Variants in COL22A1 observed in about 807,000 individuals in gnomAD.
COL22A1 encodes the protein collagen type XXII alpha 1 chain.
Under a neutral mutation model 248.9 loss-of-function variants are expected in COL22A1, and 221 were observed. That is an observed-to-expected ratio of 0.89 (90% CI 0.80 to 0.99). The LOEUF (loss-of-function observed/expected upper bound fraction) is 0.99, where lower values mean the gene tolerates loss of function less well. COL22A1 is among the 50% of genes least tolerant of loss of function. The pLI is 0.00. For synonymous variants in COL22A1, 891 were observed against 793.4 expected (o/e 1.12, Z -2.07); for missense variants, 2,240 against 2,179.0 (o/e 1.03, Z -0.56).
intron 17 of COL22A1, among the ~76,000 whole-genome samples, chr8:138,760,839 G>C (rs1040837613): frequency 5.9e-5 from 9 of 152,222 alleles, no homozygotes; most frequent in African/African-American, 1.9e-4. Context: ...TTCCACCAGC[G>C]GCCAAGAGAA....
intron 39 of COL22A1, among the ~76,000 whole-genome samples, chr8:138,682,228 T>C (rs1162940238): frequency 1.3e-5 from 2 of 151,598 alleles, no homozygotes; most frequent in Non-Finnish European, 2.9e-5. Flanking sequence ...GCAGCATGCA[T>C]GCATTCCAGA....
intron 27 of COL22A1, among the ~76,000 whole-genome samples, chr8:138,718,109 T>G (rs1465363499): frequency 6.7e-6 from 1 of 148,764 alleles, no homozygotes; most frequent in East Asian, 1.9e-4. Flanking sequence ...ACCAACTTAT[T>G]GGAGAGAAAG....
intron 44 of COL22A1, 146 bp from the exon 45 acceptor site, chr8:138,656,090 G>A: frequency 1.5e-6 from 1 of 666,758 alleles, no homozygotes; most frequent in African/African-American, 1.8e-5. Flanking sequence ...CCCAGTGGAT[G>A]TCCCAAGCCT....
chr8:138,773,994 C>G (rs533675768), intron 16 of COL22A1, among the ~76,000 whole-genome samples: 81 of 152,316 alleles, frequency 5.3e-4, no homozygotes, highest in African/African-American at 1.9e-3. Flanking sequence ...TGCACAGCAA[C>G]TCACGCTCCT....
chr8:138,742,830 T>C (rs1234876829), intron 22 of COL22A1, among the ~76,000 whole-genome samples: 1 of 147,530 alleles, frequency 6.8e-6, no homozygotes, highest in African/African-American at 2.6e-5. Context: ...TTGATGATGA[T>C]GGTAGTAGTG....
chr8:138,694,363 C>A, intron 34 of COL22A1, 145 bp downstream of exon 34: 1 of 844,788 alleles, frequency 1.2e-6, no homozygotes, highest in Non-Finnish European at 2.0e-6. Context: ...GGCCACTCAG[C>A]CTCTGCAGCA....
At chr8:138,744,393 G>A (rs1831939779) in intron 22 of COL22A1, among the ~76,000 whole-genome samples, 1 of 151,850 alleles carries the variant, frequency 6.6e-6, no homozygotes, top group Non-Finnish European at 1.5e-5. Flanking sequence ...AGGTATTGAG[G>A]GTCCTAGATC....
rs139333176 is a variant in COL22A1, at chr8:138,613,656, A to C, written c.3978+211T>G. On this transcript the variant is annotated intron_variant, in intron 56 of 64. Transcript: ENST00000303045. ...GCCCCGTGGCACCTTTGTAATTTTT[A>C]TATTGTTGTGGGGGATGGTCCCAGA... Among the ~76,000 whole-genome samples the C allele has an allele frequency of 3.1e-3, 449 of 142,886 alleles. 2 individuals carry two copies. Among genetic ancestry groups the C allele is most frequent in the African/African-American group, 0.011 (426 of 37,692 alleles). 93.7% of individuals were successfully genotyped at this position (142,886 alleles called of 152,430 possible).
intron 4 of COL22A1, among the ~76,000 whole-genome samples, chr8:138,838,903 G>T (rs1448546152): frequency 1.3e-5 from 2 of 152,166 alleles, no homozygotes; most frequent in Non-Finnish European, 2.9e-5. Context: ...GCTGTGCCAG[G>T]TACCTACTGT....
intron 12 of COL22A1, among the ~76,000 whole-genome samples, chr8:138,789,617 GTTT>G (rs1412705851): frequency 6.6e-6 from 1 of 152,196 alleles, no homozygotes; most frequent in Non-Finnish European, 1.5e-5. Flanking sequence ...TTCCTATAAG[GTTT>G]TTGAGGGTCA....
intron 35 of COL22A1, 76 bp downstream of exon 35, chr8:138,693,570 C>T: frequency 7.0e-7 from 1 of 1,437,326 alleles, no homozygotes; most frequent in Non-Finnish European, 9.6e-7. Flanking sequence ...AGCTGTGAGC[C>T]ATAGAGCAGA....
intron 50 of COL22A1, among the ~76,000 whole-genome samples, chr8:138,626,740 G>T (rs774421144): frequency 2.0e-5 from 3 of 152,052 alleles, no homozygotes; most frequent in Non-Finnish European, 4.4e-5. Context: ...TTTTTCCAGA[G>T]GCTCCTACAT....
At chr8:138,869,783 G>C (rs1480470461) in intron 3 of COL22A1, among the ~76,000 whole-genome samples, 1 of 152,180 alleles carries the variant, frequency 6.6e-6, no homozygotes, top group Non-Finnish European at 1.5e-5. Flanking sequence ...GGCTGACTTG[G>C]TCCCAAGTGC....
At chr8:138,908,956 C>A (rs148547696) in intron 1 of COL22A1, among the ~76,000 whole-genome samples, 1 of 152,186 alleles carries the variant, frequency 6.6e-6, no homozygotes, top group East Asian at 1.9e-4. Flanking sequence ...TGGAGATGGG[C>A]AAGAAGAAGG....
chr8:138,804,164 A>G (rs1817252722), intron 10 of COL22A1, among the ~76,000 whole-genome samples: 1 of 151,946 alleles, frequency 6.6e-6, no homozygotes, highest in Admixed American at 6.5e-5. Context: ...TTCCCACATC[A>G]CAACTGGGCC....
intron 7 of COL22A1, among the ~76,000 whole-genome samples, chr8:138,820,348 G>A (rs933571566): frequency 7.9e-5 from 12 of 152,138 alleles, no homozygotes; most frequent in African/African-American, 2.7e-4. Flanking sequence ...GCTTGAAGAT[G>A]GAACATGTGG....
chr8:138,783,995 T>C (rs1276745186), intron 12 of COL22A1, among the ~76,000 whole-genome samples: 1 of 152,146 alleles, frequency 6.6e-6, no homozygotes, highest in Non-Finnish European at 1.5e-5. Context: ...CAGAGCCTCA[T>C]CTAGGGTAAA....
At chr8:138,756,600 G>C (rs1287814170) in intron 18 of COL22A1, among the ~76,000 whole-genome samples, 3 of 152,152 alleles carry the variant, frequency 2.0e-5, no homozygotes, top group Non-Finnish European at 2.9e-5. Flanking sequence ...GCTTAGCTCA[G>C]GGAGCATGGG....
chr8:138,623,465 G>A (rs145205453), intron 52 of COL22A1, among the ~76,000 whole-genome samples: 53 of 152,058 alleles, frequency 3.5e-4, no homozygotes, highest in African/African-American at 1.3e-3. Flanking sequence ...TGTGGAGCAG[G>A]GACAGGAGCC....
Sources: gnomAD v4.1 joint callset for allele counts (sites outside exome capture counted in the v4.1 genomes callset) on GRCh38, gnomAD v4.1.1 for gene constraint, MANE v1.5 for transcripts, NCBI Gene and HGNC (gene_info 2026-07-23, HGNC 2026-07-21) for gene names.